Variants in GRID1 observed in about 807,000 individuals in gnomAD.
GRID1 encodes glutamate receptor ionotropic, delta-1.
A neutral mutation model predicts 98.0 loss-of-function variants in GRID1; 28 were observed. The ratio of observed to expected loss-of-function variants is 0.29; its 90% CI spans 0.21 to 0.39. The LOEUF is 0.39. Ranked by LOEUF, GRID1 falls within the 10% of genes least tolerant of loss-of-function variation. The pLI is 1.00. For missense variants in GRID1, 1,111 were observed against 1,340.5 expected, an observed-to-expected ratio of 0.83 and a Z score of 2.67; for synonymous variants, 553 against 538.5, an observed-to-expected ratio of 1.03 and a Z score of -0.37.
intron 12 of GRID1, among the ~76,000 whole-genome samples, chr10:85,698,955 T>C (rs1841423098): frequency 6.6e-6 from 1 of 151,868 alleles, no homozygotes; most frequent in Admixed American, 6.5e-5. Flanking sequence ...ATAAGGTGTC[T>C]GTTCAGAATT....
intron 2 of GRID1, among the ~76,000 whole-genome samples, chr10:86,266,385 A>G (rs1847103057): frequency 6.6e-6 from 1 of 152,086 alleles, no homozygotes; most frequent in Non-Finnish European, 1.5e-5. Context: ...AATTCCATCA[A>G]TAACCCCAAA....
chr10:86,241,720 T>C (rs1352249216), intron 2 of GRID1, among the ~76,000 whole-genome samples: 1 of 152,262 alleles, frequency 6.6e-6, no homozygotes, highest in Non-Finnish European at 1.5e-5. Context: ...TAATTAGTTA[T>C]GAGTGATCTA....
chr10:85,736,750 C>A (rs906268179), intron 8 of GRID1, among the ~76,000 whole-genome samples: 1 of 152,104 alleles, frequency 6.6e-6, no homozygotes, highest in Non-Finnish European at 1.5e-5. Context: ...TGAAAGGGAA[C>A]TCACTATCTT....
intron 4 of GRID1, among the ~76,000 whole-genome samples, chr10:85,975,830 A>G (rs1842465441): frequency 6.6e-6 from 1 of 152,230 alleles, no homozygotes; most frequent in African/African-American, 2.4e-5. Context: ...CATGCACCCA[A>G]AAAGGACAAT....
intron 4 of GRID1, among the ~76,000 whole-genome samples, chr10:86,023,609 T>C (rs1843078192): frequency 6.6e-6 from 1 of 152,036 alleles, no homozygotes; most frequent in African/African-American, 2.4e-5. Flanking sequence ...CCTGCACACA[T>C]AAACCGCACC....
intron 12 of GRID1, among the ~76,000 whole-genome samples, chr10:85,676,400 C>A (rs1222700489): frequency 6.6e-6 from 1 of 152,218 alleles, no homozygotes; most frequent in Non-Finnish European, 1.5e-5. Context: ...CTTGCGGGAT[C>A]AGGCTGGAGC....
At chr10:85,998,080 A>G (rs1356605772) in intron 4 of GRID1, among the ~76,000 whole-genome samples, 1 of 152,220 alleles carries the variant, frequency 6.6e-6, no homozygotes, top group Non-Finnish European at 1.5e-5. Context: ...TCAGCAATAG[A>G]TAGATTTAAT....
At chr10:86,087,845 T>A (rs1473185627) in intron 4 of GRID1, among the ~76,000 whole-genome samples, 1 of 151,972 alleles carries the variant, frequency 6.6e-6, no homozygotes, top group Non-Finnish European at 1.5e-5. Context: ...TAAGTTTTCA[T>A]GGCTCTGCTC....
Position 85,633,418 on chromosome 10 carries a change from C to G in GRID1, c.2194-13385G>C, listed in dbSNP as rs971250024. 8.5e-5 allele frequency among the ~76,000 whole-genome samples: 13 copies of G among 152,228 alleles called. No individual in the cohort carries two copies. In the East Asian group the frequency reaches 1.7e-3, roughly 20 times the overall value. On this transcript the variant is annotated intron_variant, in intron 13 of 15. Coordinates refer to ENST00000327946, the MANE Select transcript of GRID1 (RefSeq NM_017551.3). ...CTATGCTATGTTGCCTTTAACGGAG[C>G]GTTTGACTTTACTGAAACAAAGTTT...
chr10:86,124,922 C>T (rs139273054), intron 4 of GRID1, among the ~76,000 whole-genome samples: 2 of 152,298 alleles, frequency 1.3e-5, no homozygotes, highest in African/African-American at 4.8e-5. Flanking sequence ...CAGTTCCCTC[C>T]GGGCCTGGCT....
intron 4 of GRID1, among the ~76,000 whole-genome samples, chr10:86,121,749 C>T (rs902052328): frequency 6.6e-6 from 1 of 152,200 alleles, no homozygotes; most frequent in Non-Finnish European, 1.5e-5. Flanking sequence ...ACTCTCATCA[C>T]ATCTTATGAT....
At chr10:85,658,086 T>C (rs1318617350) in intron 12 of GRID1, among the ~76,000 whole-genome samples, 2 of 152,212 alleles carry the variant, frequency 1.3e-5, no homozygotes, top group Non-Finnish European at 2.9e-5. Flanking sequence ...GAAATGCAAA[T>C]CAGGGCAGCA....
chr10:86,140,530 G>C (rs1375772431), intron 3 of GRID1, among the ~76,000 whole-genome samples: 1 of 152,244 alleles, frequency 6.6e-6, no homozygotes, highest in Non-Finnish European at 1.5e-5. Context: ...GTCCCAGCTG[G>C]ACTGTGTGAC....
chr10:86,249,125 T>C (rs1846780266), intron 2 of GRID1, among the ~76,000 whole-genome samples: 1 of 152,154 alleles, frequency 6.6e-6, no homozygotes, highest in Non-Finnish European at 1.5e-5. Flanking sequence ...CCCAAATACC[T>C]TCCCCTTCTG....
chr10:86,174,295 T>C (rs2131995721), intron 3 of GRID1, among the ~76,000 whole-genome samples: 1 of 152,092 alleles, frequency 6.6e-6, no homozygotes, highest in African/African-American at 2.4e-5. Flanking sequence ...AAAACAGAGA[T>C]ATAGATCAAT....
chr10:86,016,627 A>G (rs549994932), intron 4 of GRID1, among the ~76,000 whole-genome samples: 3 of 152,324 alleles, frequency 2.0e-5, no homozygotes, highest in African/African-American at 7.2e-5. Flanking sequence ...AGTGGAATAT[A>G]CAATGAATGA....
intron 2 of GRID1, among the ~76,000 whole-genome samples, chr10:86,324,921 G>T (rs951114867): frequency 2.6e-5 from 4 of 151,752 alleles, no homozygotes; most frequent in African/African-American, 9.7e-5. Context: ...CCAGAAAAAG[G>T]GGCTGTTTAT....
In GRID1 at chr10:85,722,985, A is replaced by G; in HGVS notation, c.1997+18T>C. The G allele has an allele frequency of 1.9e-6, 3 of 1,599,882 alleles. No individual in the cohort carries two copies. Among genetic ancestry groups the G allele is most frequent in the Non-Finnish European group, 2.6e-6 (3 of 1,172,376 alleles). On this transcript the variant is annotated intron_variant, in intron 12 of 15. Transcript: ENST00000327946. ...CTCTCTGAGCTGCTGGCTCCAGATC[A>G]AGGAGGAATAGGCTTACCTTATGGG...
At chr10:85,672,849 T>A (rs1414611521) in intron 12 of GRID1, among the ~76,000 whole-genome samples, 7 of 152,232 alleles carry the variant, frequency 4.6e-5, no homozygotes, top group Admixed American at 1.3e-4. Flanking sequence ...AGCCCATGGA[T>A]CAAGGTATAA....
Sources: allele counts gnomAD v4.1 joint callset (sites outside exome capture counted in the v4.1 genomes callset), GRCh38; gene constraint gnomAD v4.1.1; transcripts MANE v1.5; gene names NCBI Gene and HGNC (gene_info 2026-07-23, HGNC 2026-07-21).